RAB28: variants seen among roughly 807,000 people sequenced by gnomAD.
RAB28 encodes ras-related protein Rab-28.
In RAB28, 24 loss-of-function variants were observed where a neutral mutation model predicts 31.7. The observed-to-expected ratio is 0.76, with a 90% CI of 0.55 to 1.06. The LOEUF is 1.06. RAB28 is among the 50% of genes least tolerant of loss of function. The pLI is 0.00. For missense variants in RAB28, 254 were observed against 258.5 expected, an observed-to-expected ratio of 0.98 and a Z score of 0.12; for synonymous variants, 100 against 90.4, an observed-to-expected ratio of 1.11 and a Z score of -0.60.
rs545741125 is a variant in RAB28, at chr4:13,465,199, A to T, written c.262-4371T>A. ...ATCATACGCACAGCTGAAATATCAGAAGAAGAGAGAATCAAGTTTAGGAAG... is the reference window on the plus strand; with the variant it reads ...ATCATACGCACAGCTGAAATATCAGTAGAAGAGAGAATCAAGTTTAGGAAG... On this transcript the variant is annotated intron_variant, in intron 3 of 6. Transcript: ENST00000330852. Among the ~76,000 whole-genome samples the T allele has an allele frequency of 3.3e-5, 5 of 152,116 alleles. No homozygotes were observed. The South Asian group carries it at 1.0e-3, about 32-fold the overall frequency.
At chr4:13,404,210 C>G (rs1163619828) in intron 4 of RAB28, among the ~76,000 whole-genome samples, 2 of 152,110 alleles carry the variant, frequency 1.3e-5, no homozygotes, top group East Asian at 3.9e-4. Context: ...GAAACCCCAT[C>G]TCCACTAAAA....
rs562976251 is a variant in RAB28 at position 13,468,523 on chromosome 4, C to CAA, written c.261+5793_261+5794dup. Among the ~76,000 whole-genome samples, 594 of 143,956 alleles carry CAA rather than the reference C, an allele frequency of 4.1e-3. 5 individuals are homozygous for CAA. The highest frequency in any genetic ancestry group is 0.014 in the African/African-American group (548 of 39,608). The allele number at this position is 143,956 out of a possible 152,430, so 94.4% of individuals were successfully genotyped here. A position where few individuals can be genotyped will look rare whatever the true frequency, so the allele number is the denominator to read the frequency against. On this transcript the variant is annotated intron_variant, in intron 3 of 6. Coordinates refer to ENST00000330852, the MANE Select transcript of RAB28 (RefSeq NM_001017979.3). ...AAAATAATTTTAAAATAGTTTGAAC[C>CAA]AAAAAAAAAACATATGCAACCTACC...
intron 4 of RAB28, among the ~76,000 whole-genome samples, chr4:13,428,553 C>A (rs909053299): frequency 1.3e-5 from 2 of 152,166 alleles, no homozygotes; most frequent in Non-Finnish European, 2.9e-5. Context: ...AGAGGCTCAA[C>A]AGCAGATTCT....
chr4:13,445,446 G>A (rs1451024769), intron 4 of RAB28, among the ~76,000 whole-genome samples: 2 of 151,974 alleles, frequency 1.3e-5, no homozygotes, highest in Non-Finnish European at 2.9e-5. Flanking sequence ...GAGGCATTCT[G>A]GCTTCTGGAA....
At chr4:13,435,681 T>C (rs1053875008) in intron 4 of RAB28, among the ~76,000 whole-genome samples, 2 of 152,038 alleles carry the variant, frequency 1.3e-5, no homozygotes, top group Non-Finnish European at 2.9e-5. Flanking sequence ...CAGAAATAAA[T>C]TAAAGTCCTG....
chr4:13,442,448 A>G (rs1386075127), intron 4 of RAB28, among the ~76,000 whole-genome samples: 2 of 151,874 alleles, frequency 1.3e-5, no homozygotes, highest in Admixed American at 6.6e-5. Context: ...ATATCAAATT[A>G]TATCACCTCC....
chr4:13,401,507 C>G (rs964295212), intron 4 of RAB28, among the ~76,000 whole-genome samples: 8 of 151,952 alleles, frequency 5.3e-5, no homozygotes, highest in Non-Finnish European at 1.2e-4. Flanking sequence ...CACATGTACC[C>G]CAGAACTTAA....
chr4:13,372,098 T>A (rs1239444870), intron 6 of RAB28, among the ~76,000 whole-genome samples: 1 of 152,102 alleles, frequency 6.6e-6, no homozygotes, highest in Non-Finnish European at 1.5e-5. Flanking sequence ...CTAAAACATC[T>A]GTCACTGTCA....
chr4:13,423,509 A>T (rs1713297664), intron 4 of RAB28, among the ~76,000 whole-genome samples: 1 of 152,104 alleles, frequency 6.6e-6, no homozygotes, highest in East Asian at 1.9e-4. Context: ...AGGTGAGAAT[A>T]AGTCAAAACA....
intron 4 of RAB28, among the ~76,000 whole-genome samples, chr4:13,443,125 T>C (rs1200598015): frequency 6.6e-6 from 1 of 151,940 alleles, no homozygotes; most frequent in Non-Finnish European, 1.5e-5. Context: ...GTTAGGGCTA[T>C]GAAAGAGAAA....
chr4:13,420,934 G>T (rs1215488697), intron 4 of RAB28, among the ~76,000 whole-genome samples: 3 of 152,158 alleles, frequency 2.0e-5, no homozygotes, highest in Admixed American at 2.0e-4. Context: ...GAAATATAGG[G>T]TATTCAATTA....
intron 4 of RAB28, among the ~76,000 whole-genome samples, chr4:13,385,889 T>G (rs1304972489): frequency 7.2e-5 from 11 of 152,136 alleles, no homozygotes; most frequent in Non-Finnish European, 1.5e-4. Flanking sequence ...AGGCTTAAAT[T>G]TAAGACCAGA....
chr4:13,372,814 C>G (rs1728765398), intron 6 of RAB28, among the ~76,000 whole-genome samples: 1 of 151,958 alleles, frequency 6.6e-6, no homozygotes, highest in Non-Finnish European at 1.5e-5. Context: ...GGTACTTGTA[C>G]TGTACAATAA....
chr4:13,420,367 A>C (rs1713056376), intron 4 of RAB28, among the ~76,000 whole-genome samples: 1 of 152,238 alleles, frequency 6.6e-6, no homozygotes, highest in Non-Finnish European at 1.5e-5. Context: ...AAAATATTCC[A>C]ATCAATAGAA....
chr4:13,479,426 T>C lies in RAB28; in HGVS notation c.172+4A>G. 2 of 1,575,988 alleles carry C rather than the reference T, an allele frequency of 1.3e-6. No individual in the cohort carries two copies. Among genetic ancestry groups the C allele is most frequent in the South Asian group, 1.1e-5 (1 of 88,678 alleles). ...TTCTACGTTAAGACTTTTTAGTCTC[T>C]TACCTGGCAATGTTATCCTTCTCAA... On this transcript the variant is annotated splice_donor_region_variant and intron_variant, in intron 2 of 6. Coordinates refer to ENST00000330852, the MANE Select transcript of RAB28 (RefSeq NM_001017979.3).
intron 4 of RAB28, among the ~76,000 whole-genome samples, chr4:13,404,246 C>A (rs1251348644): frequency 6.6e-6 from 1 of 152,126 alleles, no homozygotes; most frequent in South Asian, 2.1e-4. Flanking sequence ...GGCGGGGTGG[C>A]GCATGCCTAT....
At chr4:13,456,834 T>C (rs1488189131) in intron 4 of RAB28, among the ~76,000 whole-genome samples, 1 of 152,208 alleles carries the variant, frequency 6.6e-6, no homozygotes, top group Non-Finnish European at 1.5e-5. Flanking sequence ...ATTAACCTAC[T>C]CTAGTTACTC....
chr4:13,456,361 T>C (rs1364556731), intron 4 of RAB28, among the ~76,000 whole-genome samples: 2 of 152,242 alleles, frequency 1.3e-5, no homozygotes, highest in Admixed American at 1.3e-4. Flanking sequence ...CTATCTATGC[T>C]CAGTACTTTT....
chr4:13,402,006 C>T (rs965700044), intron 4 of RAB28, among the ~76,000 whole-genome samples: 1 of 152,152 alleles, frequency 6.6e-6, no homozygotes, highest in African/African-American at 2.4e-5. Context: ...TCCTCTTTGG[C>T]CCACAGGCTG....
Sources: gnomAD v4.1 joint callset for allele counts (sites outside exome capture counted in the v4.1 genomes callset) on GRCh38, gnomAD v4.1.1 for gene constraint, MANE v1.5 for transcripts, NCBI Gene and HGNC (gene_info 2026-07-23, HGNC 2026-07-21) for gene names.